The following SH3GL2 variants were observed in gnomAD, a reference collection of about 807,000 sequenced individuals.
SH3GL2 encodes SH3 domain containing GRB2 like 2, endophilin A1.
Under a neutral mutation model 46.0 loss-of-function variants are expected in SH3GL2, and 24 were observed. That is an observed-to-expected ratio of 0.52 (90% CI 0.38 to 0.73). SH3GL2 has a LOEUF of 0.73. SH3GL2 is among the 30% of genes least tolerant of loss of function. SH3GL2 has a pLI of 0.00. For synonymous variants in SH3GL2, 196 were observed against 147.1 expected, an observed-to-expected ratio of 1.33 and a Z score of -2.40; for missense variants, 413 against 424.2, an observed-to-expected ratio of 0.97 and a Z score of 0.23.
At chr9:17,645,151 C>CTTTTTTT (rs57611978) in intron 1 of SH3GL2, among the ~76,000 whole-genome samples, 3 of 68,778 alleles carry the variant, frequency 4.4e-5, no homozygotes, top group African/African-American at 1.3e-4. Flanking sequence ...GCAAACGCTG[C>CTTTTTTT]TTTTTTTTTT....
chr9:17,683,001 G>T (rs945925941), intron 1 of SH3GL2, among the ~76,000 whole-genome samples: 15 of 152,042 alleles, frequency 9.9e-5, no homozygotes, highest in South Asian at 2.1e-4. Flanking sequence ...TATACAAAAT[G>T]ACTTTTCTTG....
intron 1 of SH3GL2, among the ~76,000 whole-genome samples, chr9:17,713,554 G>C (rs1821681835): frequency 1.3e-5 from 2 of 151,294 alleles, no homozygotes. Context: ...CTTGAGTACT[G>C]TGGTAGTGTC....
intron 1 of SH3GL2, among the ~76,000 whole-genome samples, chr9:17,696,296 A>G (rs184592673): frequency 2.6e-5 from 4 of 152,270 alleles, no homozygotes; most frequent in Non-Finnish European, 4.4e-5. Context: ...TTTCAGATTT[A>G]TGTTTGTGCC....
intron 1 of SH3GL2, among the ~76,000 whole-genome samples, chr9:17,616,944 G>A (rs992581691): frequency 6.6e-6 from 1 of 152,232 alleles, no homozygotes; most frequent in Middle Eastern, 3.4e-3. Context: ...CCTTCCCAGA[G>A]GCAACCATTG....
chr9:17,738,182 C>G (rs1822396782), intron 1 of SH3GL2, among the ~76,000 whole-genome samples: 1 of 151,968 alleles, frequency 6.6e-6, no homozygotes, highest in Non-Finnish European at 1.5e-5. Context: ...AGTAGGCATT[C>G]AATTTGAGTG....
chr9:17,636,956 T>C (rs1360661629), intron 1 of SH3GL2, among the ~76,000 whole-genome samples: 1 of 152,248 alleles, frequency 6.6e-6, no homozygotes, highest in Non-Finnish European at 1.5e-5. Flanking sequence ...TGTGTTGTTA[T>C]TGCTAAATTT....
intron 1 of SH3GL2, among the ~76,000 whole-genome samples, chr9:17,649,267 G>A (rs1265666848): frequency 3.9e-5 from 6 of 152,226 alleles, no homozygotes; most frequent in South Asian, 2.1e-4. Flanking sequence ...GGGTTTTGCC[G>A]TGTTGGCTAG....
chr9:17,705,036 C>T (rs1225862844), intron 1 of SH3GL2, among the ~76,000 whole-genome samples: 1 of 148,072 alleles, frequency 6.8e-6, no homozygotes, highest in Non-Finnish European at 1.5e-5. Flanking sequence ...TTATAAGGAA[C>T]TTAAATTTAC....
At chr9:17,702,892 C>T (rs1336248326) in intron 1 of SH3GL2, among the ~76,000 whole-genome samples, 1 of 151,968 alleles carries the variant, frequency 6.6e-6, no homozygotes, top group Admixed American at 6.6e-5. Flanking sequence ...TTCCAAATGC[C>T]CTGAATCTGT....
chr9:17,642,977 G>C (rs1447827703), intron 1 of SH3GL2, among the ~76,000 whole-genome samples: 2 of 152,146 alleles, frequency 1.3e-5, no homozygotes, highest in African/African-American at 2.4e-5. Context: ...ATTACTTTGG[G>C]CAGTATGGCC....
At chr9:17,609,066 G>A (rs772217488) in intron 1 of SH3GL2, among the ~76,000 whole-genome samples, 1 of 152,152 alleles carries the variant, frequency 6.6e-6, no homozygotes, top group African/African-American at 2.4e-5. Flanking sequence ...GCTGATGAAG[G>A]CATGGTCCTG....
At position 17,753,771 on chromosome 9, in the gene SH3GL2, T is replaced by C. The variant is rs114280447; in HGVS notation, c.114+6637T>C. ...GCCCATGCCTATGTCCTCAATGGTA[T>C]TTTGCCTAGGTTGTCTTTCAGGGTT... On this transcript the variant is annotated intron_variant, in intron 2 of 8. Coordinates refer to ENST00000380607, the MANE Select transcript of SH3GL2 (RefSeq NM_003026.5). Among the ~76,000 whole-genome samples the C allele has an allele frequency of 5.0e-3, 759 of 152,278 alleles. 8 individuals carry two copies. Among genetic ancestry groups the C allele is most frequent in the African/African-American group, 0.017 (709 of 41,570 alleles).
intron 1 of SH3GL2, among the ~76,000 whole-genome samples, chr9:17,678,231 A>G (rs1820666706): frequency 6.6e-6 from 1 of 151,950 alleles, no homozygotes; most frequent in African/African-American, 2.4e-5. Flanking sequence ...CAATGGTTGA[A>G]CTAGTTTACA....
Position 17,586,580 on chromosome 9 carries a change from A to T in SH3GL2, c.45+7293A>T, listed in dbSNP as rs547129368. 3.3e-5 allele frequency among the ~76,000 whole-genome samples: 5 copies of T among 152,292 alleles called. No homozygotes were observed. In the South Asian group the frequency reaches 1.0e-3, roughly 32 times the overall value. On this transcript the variant is annotated intron_variant, in intron 1 of 8. Transcript: ENST00000380607. ...AGGTGTAATTGACTCACAGTTCTGC[A>T]TGGCTAGGGAGGGCTCAGGAAACTT... is the stretch of plus-strand genomic sequence containing the variant.
intron 1 of SH3GL2, among the ~76,000 whole-genome samples, chr9:17,657,175 A>G (rs1396055098): frequency 6.6e-6 from 1 of 152,216 alleles, no homozygotes; most frequent in Non-Finnish European, 1.5e-5. Flanking sequence ...TGTGCCTGCT[A>G]GTTAGTTGCC....
chr9:17,709,862 A>G (rs150545112), intron 1 of SH3GL2, among the ~76,000 whole-genome samples: 1 of 152,064 alleles, frequency 6.6e-6, no homozygotes, highest in East Asian at 1.9e-4. Context: ...TGAAGACACA[A>G]AGAGGAGTAA....
intron 1 of SH3GL2, among the ~76,000 whole-genome samples, chr9:17,681,291 C>G (rs1168803897): frequency 6.6e-6 from 1 of 152,150 alleles, no homozygotes; most frequent in Non-Finnish European, 1.5e-5. Context: ...TGGAAGACTA[C>G]TACAGTGAGT....
intron 1 of SH3GL2, among the ~76,000 whole-genome samples, chr9:17,658,033 A>C (rs1259391836): frequency 6.6e-6 from 1 of 152,212 alleles, no homozygotes; most frequent in Non-Finnish European, 1.5e-5. Flanking sequence ...GATCCACTGC[A>C]GATAGGAACT....
intron 1 of SH3GL2, among the ~76,000 whole-genome samples, chr9:17,738,859 C>T (rs720268): frequency 0.3 from 45,257 of 151,500 alleles, 7,180 homozygotes; most frequent in Non-Finnish European, 0.36. Flanking sequence ...GGATGAGGCC[C>T]ACCCACATTA....
Sources: allele counts gnomAD v4.1 joint callset (sites outside exome capture counted in the v4.1 genomes callset), GRCh38; gene constraint gnomAD v4.1.1; transcripts MANE v1.5; gene names NCBI Gene and HGNC (gene_info 2026-07-23, HGNC 2026-07-21).